Variants in KSR2 observed in about 807,000 individuals in gnomAD.
The protein encoded by KSR2 is kinase suppressor of ras 2.
In KSR2, 25 loss-of-function variants were observed where a neutral mutation model predicts 107.8. The observed-to-expected ratio is 0.23, with a 90% CI of 0.17 to 0.32. The LOEUF (loss-of-function observed/expected upper bound fraction) is 0.32, where lower values mean the gene tolerates loss of function less well. KSR2 is among the 10% of genes least tolerant of loss of function. The pLI, the probability that KSR2 is intolerant of heterozygous loss-of-function variation, is 1.00. For synonymous variants in KSR2, 480 were observed against 507.0 expected, an observed-to-expected ratio of 0.95 and a Z score of 0.71; for missense variants, 887 against 1,268.9, an observed-to-expected ratio of 0.70 and a Z score of 4.57.
intron 5 of KSR2, among the ~76,000 whole-genome samples, chr12:117,596,702 A>G (rs145284222): frequency 6.6e-6 from 1 of 152,352 alleles, no homozygotes; most frequent in East Asian, 1.9e-4. Flanking sequence ...CAATTTAAAA[A>G]TAGACAATGC....
chr12:117,561,966 A>C (rs1878152672), intron 7 of KSR2, among the ~76,000 whole-genome samples: 1 of 152,226 alleles, frequency 6.6e-6, no homozygotes, highest in Non-Finnish European at 1.5e-5. Flanking sequence ...AGGCTAATGC[A>C]GCCTCTCTGT....
Position 117,527,127 on chromosome 12 carries a change from G to A in KSR2, c.1803-8C>T, listed in dbSNP as rs758219149. 5.0e-6 allele frequency: 8 copies of A among 1,610,774 alleles called. No individual in the cohort carries two copies. The South Asian group carries it at 7.7e-5, about 15-fold the overall frequency. ...AATGGATTTCCTTCCAAGCTGTAAA[G>A]AAAGAAAAATAAACGTGATCCCTAG... On this transcript the variant is annotated splice_polypyrimidine_tract_variant and splice_region_variant and intron_variant, in intron 12 of 19. Coordinates refer to ENST00000339824, the MANE Select transcript of KSR2 (RefSeq NM_173598.6).
At chr12:117,852,977 A>G (rs138817464) in intron 3 of KSR2, among the ~76,000 whole-genome samples, 19 of 152,178 alleles carry the variant, frequency 1.2e-4, no homozygotes, top group African/African-American at 4.6e-4. Flanking sequence ...AAATTTTTGT[A>G]TTTTTAGTAG....
At chr12:117,584,317 T>C (rs1451217235) in intron 5 of KSR2, among the ~76,000 whole-genome samples, 1 of 152,154 alleles carries the variant, frequency 6.6e-6, no homozygotes. Context: ...CCTATCTCTT[T>C]TGGGGACTGA....
chr12:117,750,164 C>T (rs1209290718), intron 4 of KSR2, among the ~76,000 whole-genome samples: 4 of 150,428 alleles, frequency 2.7e-5, no homozygotes, highest in Non-Finnish European at 4.4e-5. Flanking sequence ...GCAGGAGAAT[C>T]GCTTGAACCC....
At position 117,968,841 on chromosome 12, in the gene KSR2, T is replaced by C; in HGVS notation, c.-586A>G. 1 of 211,980 alleles carries C rather than the reference T, an allele frequency of 4.7e-6. No homozygotes were observed. The highest frequency in any genetic ancestry group is 5.9e-5 in the Admixed American group (1 of 17,042). 13.1% of individuals were successfully genotyped at this position (211,980 alleles called of 1,614,324 possible). On this transcript the variant is annotated 5_prime_UTR_variant, in exon 1 of 20. Transcript: ENST00000339824. ...CGCGTTCTCAAGGTGCTGTCTGCAT[T>C]GCTCCCGCGGCTGCGGCGGCTACTG...
At chr12:117,527,406 G>A (rs998140281) in intron 12 of KSR2, among the ~76,000 whole-genome samples, 2 of 151,578 alleles carry the variant, frequency 1.3e-5, no homozygotes, top group African/African-American at 2.4e-5. Flanking sequence ...TTGATTTTCC[G>A]GGCTGCTCAG....
In KSR2 at chr12:117,485,541, G is replaced by C. The variant is rs1872414093; in HGVS notation, c.2316+54C>G. On this transcript the variant is annotated intron_variant, in intron 15 of 19. Coordinates refer to ENST00000339824, the MANE Select transcript of KSR2 (RefSeq NM_173598.6). ...GCCCTGGGGTAGGGGGGCTTCCCTG[G>C]GGGAAACTGGGTCTTTCTGAGATTT... is the stretch of plus-strand genomic sequence containing the variant. 5 of 1,419,252 alleles carry C rather than the reference G, an allele frequency of 3.5e-6. No homozygotes were observed. In the African/African-American group the frequency reaches 5.6e-5, roughly 16 times the overall value. 87.9% of individuals were successfully genotyped at this position (1,419,252 alleles called of 1,614,324 possible). A position where few individuals can be genotyped will look rare whatever the true frequency, so the allele number is the denominator to read the frequency against.
intron 4 of KSR2, among the ~76,000 whole-genome samples, chr12:117,713,108 A>C (rs1886852003): frequency 6.7e-6 from 1 of 150,314 alleles, no homozygotes; most frequent in African/African-American, 2.4e-5. Context: ...ATTTGGATAG[A>C]TACATATAGA....
At position 117,881,640 on chromosome 12, in the gene KSR2, A is replaced by T. The variant is rs1189293650; in HGVS notation, c.181-21209T>A. ...CTTATGAACCTATAACATTGGCCAC[A>T]TTATCCTCATTTTACAAATGAGGAA... On this transcript the variant is annotated intron_variant, in intron 1 of 19. Transcript: ENST00000339824. Among the ~76,000 whole-genome samples the T allele has an allele frequency of 2.6e-5, 4 of 152,324 alleles. No individual in the cohort carries two copies. The East Asian group carries it at 7.7e-4, about 29-fold the overall frequency.
intron 3 of KSR2, among the ~76,000 whole-genome samples, chr12:117,803,127 C>T (rs1216811827): frequency 6.6e-6 from 1 of 152,096 alleles, no homozygotes; most frequent in East Asian, 1.9e-4. Context: ...ATTGCCGAAA[C>T]AATGTACAGA....
intron 1 of KSR2, among the ~76,000 whole-genome samples, chr12:117,963,114 T>G (rs912672562): frequency 6.6e-6 from 1 of 151,420 alleles, no homozygotes; most frequent in African/African-American, 2.4e-5. Flanking sequence ...CACTTGAAAC[T>G]GGGAAGCGGA....
chr12:117,615,634 G>A (rs1289431743), intron 5 of KSR2, among the ~76,000 whole-genome samples: 3 of 152,134 alleles, frequency 2.0e-5, no homozygotes, highest in Non-Finnish European at 4.4e-5. Context: ...CCTGCCAAAA[G>A]CCAGCACCAA....
At chr12:117,665,074 C>T (rs1460990012) in intron 5 of KSR2, among the ~76,000 whole-genome samples, 1 of 152,200 alleles carries the variant, frequency 6.6e-6, no homozygotes, top group Non-Finnish European at 1.5e-5. Flanking sequence ...CACACTCACT[C>T]ATTCTTCCAC....
rs1896225882 is a variant in KSR2, at chr12:117,947,249, G to GAAAGAAAGAAAGAAAGAAAA, written c.180+20826_180+20827insTTTTCTTTCTTTCTTTCTTT. Among the ~76,000 whole-genome samples the GAAAGAAAGAAAGAAAGAAAA allele has an allele frequency of 6.4e-5, 8 of 124,182 alleles. No homozygotes were observed. The South Asian group carries it at 2.2e-3, about 34-fold the overall frequency. 81.5% of individuals were successfully genotyped at this position (124,182 alleles called of 152,430 possible). A position where few individuals can be genotyped will look rare whatever the true frequency, so the allele number is the denominator to read the frequency against. Reference sequence around the variant, plus strand: ...AGAAAGAAAGAAAGAAAGAAAGAAAGAAAGAAAGAAGATAAACCACATGAC... The same window carrying GAAAGAAAGAAAGAAAGAAAA: ...AGAAAGAAAGAAAGAAAGAAAGAAAGAAAGAAAGAAAGAAAGAAAAAAAGAAAGAAGATAAACCACATGAC... On this transcript the variant is annotated intron_variant, in intron 1 of 19. Transcript: ENST00000339824.
In KSR2 at chr12:117,538,728, A is replaced by G. The variant is rs138405957; in HGVS notation, c.1687+991T>C. ...TAGTGTAACCGATAAGCTAATTTTTAAATTATATTTAATTTTAATTTATTT... is the reference window on the plus strand; with the variant it reads ...TAGTGTAACCGATAAGCTAATTTTTGAATTATATTTAATTTTAATTTATTT... On this transcript the variant is annotated intron_variant, in intron 10 of 19. Transcript: ENST00000339824. 3.2e-3 allele frequency among the ~76,000 whole-genome samples: 493 copies of G among 152,308 alleles called. 4 individuals are homozygous for G. The highest frequency in any genetic ancestry group is 0.011 in the African/African-American group (449 of 41,558).
At chr12:117,786,793 G>T (rs577565747) in intron 3 of KSR2, among the ~76,000 whole-genome samples, 3 of 152,240 alleles carry the variant, frequency 2.0e-5, no homozygotes, top group African/African-American at 7.2e-5. Context: ...TCCAGCCTGG[G>T]CAACAAGAGT....
At chr12:117,778,807 G>A (rs1034219976) in intron 3 of KSR2, among the ~76,000 whole-genome samples, 8 of 152,198 alleles carry the variant, frequency 5.3e-5, no homozygotes, top group Non-Finnish European at 8.8e-5. Context: ...CCTCTGAGAC[G>A]CTCCTAATTC....
intron 14 of KSR2, chr12:117,517,938 C>T (rs1219135115): frequency 6.7e-6 from 3 of 450,020 alleles, no homozygotes; most frequent in African/African-American, 2.0e-5. Flanking sequence ...TAACAGAAGG[C>T]AGGGTTCTCC....
Sources: gnomAD v4.1 joint callset for allele counts (sites outside exome capture counted in the v4.1 genomes callset) on GRCh38, gnomAD v4.1.1 for gene constraint, MANE v1.5 for transcripts, NCBI Gene and HGNC (gene_info 2026-07-23, HGNC 2026-07-21) for gene names.